Variants in TMC1 observed in about 807,000 individuals in gnomAD.
TMC1 encodes the protein transmembrane channel-like protein 1.
Under a neutral mutation model 105.8 loss-of-function variants are expected in TMC1, and 84 were observed. That is an observed-to-expected ratio of 0.79 (90% CI 0.67 to 0.95). The LOEUF (loss-of-function observed/expected upper bound fraction) is 0.95. TMC1 is among the 40% of genes least tolerant of loss of function. The pLI is 0.00. For missense variants in TMC1, 817 were observed against 914.1 expected, an observed-to-expected ratio of 0.89 and a Z score of 1.37; for synonymous variants, 315 against 311.5, an observed-to-expected ratio of 1.01 and a Z score of -0.12.
intron 2 of TMC1, among the ~76,000 whole-genome samples, chr9:72,580,024 G>C (rs934588446): frequency 6.6e-6 from 1 of 152,168 alleles, no homozygotes. Context: ...CTAAGCAGGG[G>C]TTCTGACTCA....
intron 2 of TMC1, among the ~76,000 whole-genome samples, chr9:72,598,369 A>C (rs999025359): frequency 6.6e-6 from 1 of 152,006 alleles, no homozygotes; most frequent in African/African-American, 2.4e-5. Context: ...AGGAACGTGA[A>C]TGATATCCTT....
At chr9:72,765,788 A>G (rs1415106556) in intron 12 of TMC1, among the ~76,000 whole-genome samples, 2 of 152,192 alleles carry the variant, frequency 1.3e-5, no homozygotes, top group African/African-American at 4.8e-5. Context: ...TGCTATGTTC[A>G]TGCTTCCTAT....
At chr9:72,540,933 T>C (rs1342999617) in intron 1 of TMC1, among the ~76,000 whole-genome samples, 1 of 152,238 alleles carries the variant, frequency 6.6e-6, no homozygotes, top group African/African-American at 2.4e-5. Context: ...AATACAGATA[T>C]AATGATTAGT....
intron 8 of TMC1, among the ~76,000 whole-genome samples, chr9:72,737,541 A>C (rs1827320820): frequency 6.6e-6 from 1 of 152,172 alleles, no homozygotes; most frequent in African/African-American, 2.4e-5. Context: ...TTCCTCTGAA[A>C]AATCAGACAC....
chr9:72,582,675 A>G (rs1034471650), intron 2 of TMC1, among the ~76,000 whole-genome samples: 3 of 152,192 alleles, frequency 2.0e-5, no homozygotes, highest in Non-Finnish European at 4.4e-5. Context: ...GAATGGGGTA[A>G]ATCAAAACTT....
In TMC1 at chr9:72,521,786, G is replaced by C. The variant is rs1353051629; in HGVS notation, c.-555G>C. On this transcript the variant is annotated 5_prime_UTR_variant, in exon 1 of 24. Coordinates refer to ENST00000297784, the MANE Select transcript of TMC1 (RefSeq NM_138691.3). ...GAAACACCAGTTTTCTGATTTCACC[G>C]AAGACCTACTGCCTCAGAAACTATG... The C allele has an allele frequency of 3.3e-5, 5 of 151,828 alleles. No homozygotes were observed. Among genetic ancestry groups the C allele is most frequent in the Admixed American group, 3.3e-4 (5 of 15,220 alleles). 9.4% of individuals were successfully genotyped at this position (151,828 alleles called of 1,614,324 possible). A position where few individuals can be genotyped will look rare whatever the true frequency, so the allele number is the denominator to read the frequency against.
chr9:72,535,119 A>G (rs1393397810), intron 1 of TMC1, among the ~76,000 whole-genome samples: 2 of 152,102 alleles, frequency 1.3e-5, no homozygotes, highest in Non-Finnish European at 2.9e-5. Context: ...GCTTAACGCT[A>G]TATTTATCAT....
chr9:72,836,201 C>A lies in TMC1; in HGVS notation c.*228C>A, dbSNP rs1829124757. 1 of 604,154 alleles carries A rather than the reference C, an allele frequency of 1.7e-6. No individual in the cohort carries two copies. Among genetic ancestry groups the A allele is most frequent in the Non-Finnish European group, 3.0e-6 (1 of 338,210 alleles). The allele number at this position is 604,154 out of a possible 1,614,324, so 37.4% of individuals were successfully genotyped here. ...AACTGTTTCTGCAGAGCCACTCTCT[C>A]CCCTGCTCCATTTCGTGACTTTTTT... On this transcript the variant is annotated 3_prime_UTR_variant, in exon 24 of 24. Transcript: ENST00000297784.
intron 8 of TMC1, among the ~76,000 whole-genome samples, chr9:72,739,691 G>A (rs1210798476): frequency 2.6e-5 from 4 of 151,916 alleles, no homozygotes; most frequent in African/African-American, 9.7e-5. Flanking sequence ...TGTGTTCTAT[G>A]TCAGTTTGAC....
chr9:72,662,336 G>A (rs994346233), intron 5 of TMC1, among the ~76,000 whole-genome samples: 3 of 150,752 alleles, frequency 2.0e-5, no homozygotes, highest in African/African-American at 4.9e-5. Flanking sequence ...ACAGATGTGC[G>A]CCACCACACT....
chr9:72,578,622 T>C (rs1824427603), intron 2 of TMC1, among the ~76,000 whole-genome samples: 1 of 152,186 alleles, frequency 6.6e-6, no homozygotes, highest in African/African-American at 2.4e-5. Context: ...GTGTGTGTGC[T>C]CTGACGAGCT....
At chr9:72,742,892 A>G (rs1827413808) in intron 10 of TMC1, among the ~76,000 whole-genome samples, 1 of 152,018 alleles carries the variant, frequency 6.6e-6, no homozygotes, top group Admixed American at 6.6e-5. Flanking sequence ...GAGAATATAT[A>G]CTCTCATGAA....
At chr9:72,693,471 TAA>T (rs1038946106) in intron 6 of TMC1, among the ~76,000 whole-genome samples, 3 of 152,158 alleles carry the variant, frequency 2.0e-5, no homozygotes, top group African/African-American at 7.2e-5. Flanking sequence ...TGTCTACAGA[TAA>T]AAAGTGTTTT....
intron 19 of TMC1, among the ~76,000 whole-genome samples, chr9:72,816,532 C>T (rs1436063626): frequency 6.6e-6 from 1 of 152,010 alleles, no homozygotes; most frequent in Non-Finnish European, 1.5e-5. Context: ...ATTACATTAC[C>T]ACATGATAAG....
intron 3 of TMC1, among the ~76,000 whole-genome samples, chr9:72,627,044 T>C (rs1013132515): frequency 6.6e-6 from 1 of 151,810 alleles, no homozygotes; most frequent in Non-Finnish European, 1.5e-5. Context: ...TTTTTTTTTT[T>C]TTGGGTCTGT....
intron 10 of TMC1, among the ~76,000 whole-genome samples, chr9:72,742,961 C>T (rs1200827747): frequency 1.3e-5 from 2 of 152,210 alleles, no homozygotes; most frequent in Non-Finnish European, 2.9e-5. Context: ...TTAGTCTGGG[C>T]GCAGTGGTTC....
chr9:72,778,171 C>G (rs954284901), intron 13 of TMC1, among the ~76,000 whole-genome samples: 2 of 152,172 alleles, frequency 1.3e-5, no homozygotes, highest in Non-Finnish European at 2.9e-5. Context: ...GCTTCTTCAT[C>G]CTCAAGAATT....
chr9:72,705,835 C>G (rs957138713), intron 8 of TMC1, among the ~76,000 whole-genome samples: 1 of 152,144 alleles, frequency 6.6e-6, no homozygotes, highest in Non-Finnish European at 1.5e-5. Context: ...ATTATACTGA[C>G]TACTTTAATT....
At position 72,820,152 on chromosome 9, in the gene TMC1, G is replaced by A. The variant is rs556677798; in HGVS notation, c.1764-690G>A. Among the ~76,000 whole-genome samples the A allele has an allele frequency of 4.6e-5, 7 of 152,236 alleles. No individual in the cohort carries two copies. In the South Asian group the frequency reaches 1.2e-3, roughly 27 times the overall value. ...GAATTTTCATCTCAAAAACCTATAA[G>A]CTAGTTATAAATTTTCAATAAAACC... is the stretch of plus-strand genomic sequence containing the variant. On this transcript the variant is annotated intron_variant, in intron 19 of 23. Coordinates refer to ENST00000297784, the MANE Select transcript of TMC1 (RefSeq NM_138691.3).
Sources: gnomAD v4.1 joint callset for allele counts (sites outside exome capture counted in the v4.1 genomes callset) on GRCh38, gnomAD v4.1.1 for gene constraint, MANE v1.5 for transcripts, NCBI Gene and HGNC (gene_info 2026-07-23, HGNC 2026-07-21) for gene names.